Variants in OSTM1 observed in about 807,000 individuals in gnomAD.
OSTM1 encodes the protein osteopetrosis-associated transmembrane protein 1.
Under a neutral mutation model 35.4 loss-of-function variants are expected in OSTM1, and 26 were observed. The ratio of observed to expected loss-of-function variants is 0.73; its 90% CI spans 0.54 to 1.02. The LOEUF (loss-of-function observed/expected upper bound fraction) is 1.02, where lower values mean the gene tolerates loss of function less well. Ranked by LOEUF, OSTM1 falls within the 50% of genes least tolerant of loss-of-function variation. OSTM1 has a pLI of 0.00. For missense variants in OSTM1, 366 were observed against 409.6 expected (o/e 0.89, Z 0.92); for synonymous variants, 181 against 165.0 (o/e 1.10, Z -0.75).
chr6:108,065,938 G>C (rs1772368946), intron 1 of OSTM1, among the ~76,000 whole-genome samples: 1 of 151,950 alleles, frequency 6.6e-6, no homozygotes, highest in Non-Finnish European at 1.5e-5. Context: ...AATTAGGAAA[G>C]AGTTCATGAA....
intron 2 of OSTM1, among the ~76,000 whole-genome samples, chr6:108,056,843 C>T (rs760250307): frequency 6.6e-6 from 1 of 151,918 alleles, no homozygotes; most frequent in Non-Finnish European, 1.5e-5. Context: ...TAACTTCTCA[C>T]CCTTATTTAA....
At chr6:108,071,307 T>G (rs73506232) in intron 1 of OSTM1, among the ~76,000 whole-genome samples, 2 of 151,834 alleles carry the variant, frequency 1.3e-5, no homozygotes, top group African/African-American at 4.8e-5. Flanking sequence ...TGTTTTGTTT[T>G]GTTTTGGTTT....
intron 4 of OSTM1, 160 bp from the exon 5 acceptor site, chr6:108,049,578 A>G: frequency 7.0e-7 from 1 of 1,436,898 alleles, no homozygotes; most frequent in Non-Finnish European, 9.1e-7. Context: ...CTGCCAGGAA[A>G]AAAACCTGGT....
At chr6:108,055,381 T>C (rs899405490) in intron 2 of OSTM1, among the ~76,000 whole-genome samples, 1 of 152,048 alleles carries the variant, frequency 6.6e-6, no homozygotes, top group Non-Finnish European at 1.5e-5. Context: ...GTGGCACAAT[T>C]TGCCAGCTCA....
intron 1 of OSTM1, among the ~76,000 whole-genome samples, chr6:108,066,648 G>C (rs1408512580): frequency 5.3e-5 from 8 of 152,166 alleles, no homozygotes; most frequent in African/African-American, 1.9e-4. Flanking sequence ...TGAGATCAGA[G>C]TGGGTTGAAC....
Position 108,049,406 on chromosome 6 carries a change from G to A in OSTM1, c.796C>T (p.Arg266Ter), listed in dbSNP as rs781715787. 9.3e-6 allele frequency: 15 copies of A among 1,613,512 alleles called. No homozygotes were observed. Among genetic ancestry groups the A allele is most frequent in the Non-Finnish European group, 1.3e-5 (15 of 1,179,558 alleles). ...IDVEDAMNIT[R>*]KLWSRTFNCS... ...TTGAAAGTTCGACTCCATAGTTTTC[G>A]AGTGATGTTCATCTGGAACAAGAGC... Residue 266 changes from arginine to a stop codon, truncating the protein, a stop_gained, in exon 5 of 6, where the codon CGA (arginine) becomes TGA (stop). Transcript: ENST00000193322. LOFTEE classifies it high-confidence loss of function.
At position 108,049,336 on chromosome 6, in the gene OSTM1, G is replaced by T; in HGVS notation, c.866C>A (p.Ser289Tyr). 6.2e-7 allele frequency: 1 copy of T among 1,613,184 alleles called. No individual in the cohort carries two copies. The highest frequency in any genetic ancestry group is 8.5e-7 in the Non-Finnish European group (1 of 1,179,198). The stretch of plus-strand genomic sequence containing the variant: ...AACAGGTAGAAAGAGAATGAACACA[G>T]AAACAGCAATTACAGGCACTGTGTC... ...CSDTVPVIAV[S>Y]VFILFLPVVF... The change falls in exon 5 of 6, where the codon TCT becomes TAT. Residue 289 changes from serine to tyrosine, a missense_variant. This residue lies in a region of OSTM1 where 125 missense variants were observed against 151.7 expected (regional missense o/e 0.82). Coordinates refer to ENST00000193322, the MANE Select transcript of OSTM1 (RefSeq NM_014028.4).
chr6:108,066,114 T>TA (rs1482158695), intron 1 of OSTM1, among the ~76,000 whole-genome samples: 4 of 152,282 alleles, frequency 2.6e-5, no homozygotes, highest in Non-Finnish European at 5.9e-5. Context: ...AGAACAAGGT[T>TA]ATGAGAGGCC....
At chr6:108,068,851 A>G (rs113056009) in intron 1 of OSTM1, among the ~76,000 whole-genome samples, 9 of 152,282 alleles carry the variant, frequency 5.9e-5, no homozygotes, top group African/African-American at 2.2e-4. Flanking sequence ...AAAATCCTTA[A>G]CATACCCTAC....
At chr6:108,058,285 C>T (rs1372494191) in intron 2 of OSTM1, among the ~76,000 whole-genome samples, 1 of 152,020 alleles carries the variant, frequency 6.6e-6, no homozygotes, top group Non-Finnish European at 1.5e-5. Flanking sequence ...AAGATCTTTG[C>T]TGTTTTTCAA....
chr6:108,058,501 G>A (rs76134681), intron 2 of OSTM1, among the ~76,000 whole-genome samples: 2,541 of 150,650 alleles, frequency 0.017, 36 homozygotes, highest in Non-Finnish European at 0.028. Flanking sequence ...GGAAAGAAAG[G>A]TTTTGGGCCG....
chr6:108,047,927 G>C (rs971373210), intron 5 of OSTM1, among the ~76,000 whole-genome samples: 50 of 152,128 alleles, frequency 3.3e-4, no homozygotes, highest in African/African-American at 1.1e-3. Context: ...AGTATACCAA[G>C]CTCTGAAAAA....
chr6:108,042,750 T>C lies in OSTM1; in HGVS notation c.*2035A>G, dbSNP rs548119179. On this transcript the variant is annotated 3_prime_UTR_variant, in exon 6 of 6. Coordinates refer to ENST00000193322, the MANE Select transcript of OSTM1 (RefSeq NM_014028.4). ...AAAGTAGGCATCTAAACTCAATACC[T>C]GAAAAACAAATGTGATGTTAAATTA... The C allele has an allele frequency of 3.3e-5, 5 of 152,140 alleles. No homozygotes were observed. Among genetic ancestry groups the C allele is most frequent in the Non-Finnish European group, 5.9e-5 (4 of 68,026 alleles). The allele number at this position is 152,140 out of a possible 1,614,324, so 9.4% of individuals were successfully genotyped here.
Position 108,043,147 on chromosome 6 carries a change from A to G in OSTM1, c.*1638T>C, listed in dbSNP as rs1256832102. 6.6e-6 allele frequency: 1 copy of G among 152,258 alleles called. No individual in the cohort carries two copies. The highest frequency in any genetic ancestry group is 2.4e-5 in the African/African-American group (1 of 41,480). The allele number at this position is 152,258 out of a possible 1,614,324, so 9.4% of individuals were successfully genotyped here. ...AGGTGCTCAAAAAGTCACCACTTACAGAATTGAACATGTCATTTTCTAACT... is the reference window on the plus strand; with the variant it reads ...AGGTGCTCAAAAAGTCACCACTTACGGAATTGAACATGTCATTTTCTAACT... On this transcript the variant is annotated 3_prime_UTR_variant, in exon 6 of 6. Coordinates refer to ENST00000193322, the MANE Select transcript of OSTM1 (RefSeq NM_014028.4).
At chr6:108,069,380 CA>C (rs1444340024) in intron 1 of OSTM1, among the ~76,000 whole-genome samples, 2 of 152,150 alleles carry the variant, frequency 1.3e-5, no homozygotes, top group East Asian at 3.9e-4. Flanking sequence ...CTATAGTCCT[CA>C]GAATTCATTA....
chr6:108,044,777 T>C lies in OSTM1; in HGVS notation c.*8A>G, dbSNP rs1314759285. The C allele has an allele frequency of 1.3e-6, 2 of 1,527,154 alleles. No homozygotes were observed. The highest frequency in any genetic ancestry group is 1.7e-5 in the Admixed American group (1 of 59,580). 94.6% of individuals were successfully genotyped at this position (1,527,154 alleles called of 1,614,324 possible). On this transcript the variant is annotated 3_prime_UTR_variant, in exon 6 of 6. Transcript: ENST00000193322. ...CACGTGATATGTCAATTCTCCATTT[T>C]GTAGGTCTCAGTTTGAATTTTCCTG...
intron 5 of OSTM1, among the ~76,000 whole-genome samples, chr6:108,046,052 A>T (rs1305614337): frequency 6.6e-6 from 1 of 151,504 alleles, no homozygotes; most frequent in Non-Finnish European, 1.5e-5. Flanking sequence ...CCCAGGCTGG[A>T]GTGCAATGGC....
In OSTM1 at chr6:108,074,718, C is replaced by A. The variant is rs532210400; in HGVS notation, c.-67G>T. The A allele has an allele frequency of 3.5e-4, 499 of 1,422,524 alleles. 6 individuals carry two copies. The East Asian group carries it at 0.014, about 40-fold the overall frequency. 88.1% of individuals were successfully genotyped at this position (1,422,524 alleles called of 1,614,324 possible). On this transcript the variant is annotated 5_prime_UTR_variant, in exon 1 of 6. Coordinates refer to ENST00000193322, the MANE Select transcript of OSTM1 (RefSeq NM_014028.4). Reference sequence around the variant, plus strand: ...CGCCCCCAGCCGGCACCGCGGACAGCCGCCGCTTCCGGTTTCCGCGAGCGC... The same window carrying A: ...CGCCCCCAGCCGGCACCGCGGACAGACGCCGCTTCCGGTTTCCGCGAGCGC...
In OSTM1 at chr6:108,071,965, C is replaced by G. The variant is rs77991573; in HGVS notation, c.402+2285G>C. 3.0e-3 allele frequency among the ~76,000 whole-genome samples: 462 copies of G among 152,272 alleles called. 3 individuals are homozygous for G. The highest frequency in any genetic ancestry group is 0.011 in the African/African-American group (446 of 41,536). On this transcript the variant is annotated intron_variant, in intron 1 of 5. Coordinates refer to ENST00000193322, the MANE Select transcript of OSTM1 (RefSeq NM_014028.4). ...GTAGTGGGGAATTCATATGGAAATTCACATGCAGATTGGGTGATGCCCATA... is the reference window on the plus strand; with the variant it reads ...GTAGTGGGGAATTCATATGGAAATTGACATGCAGATTGGGTGATGCCCATA...
Sources: gnomAD v4.1 joint callset for allele counts (sites outside exome capture counted in the v4.1 genomes callset) on GRCh38, gnomAD v4.1.1 for gene constraint, gnomAD v4.1.1 regional missense constraint, MANE v1.5 for transcripts, NCBI Gene and HGNC (gene_info 2026-07-23, HGNC 2026-07-21) for gene names.